The following DIXDC1 variants were observed in gnomAD, a reference collection of about 807,000 sequenced individuals.
The protein encoded by DIXDC1 is dixin.
A neutral mutation model predicts 103.1 loss-of-function variants in DIXDC1; 64 were observed. The ratio of observed to expected loss-of-function variants is 0.62; its 90% CI spans 0.51 to 0.76. The LOEUF (loss-of-function observed/expected upper bound fraction) is 0.76, where lower values mean the gene tolerates loss of function less well. Ranked by LOEUF, DIXDC1 falls within the 30% of genes least tolerant of loss-of-function variation. The pLI, the probability that DIXDC1 is intolerant of heterozygous loss-of-function variation, is 0.00. For missense variants in DIXDC1, 759 were observed against 834.2 expected (o/e 0.91, Z 1.11); for synonymous variants, 266 against 298.5 (o/e 0.89, Z 1.12).
At chr11:111,982,622 C>A in intron 7 of DIXDC1, 135 bp downstream of exon 7, 1 of 912,692 alleles carries the variant, frequency 1.1e-6, no homozygotes, top group Non-Finnish European at 1.6e-6. Context: ...GGGAATAGCA[C>A]AGAAAGAGCA....
rs181553562 is a variant in DIXDC1 at position 111,998,655 on chromosome 11, T to G, written c.1756+2509T>G. ...GCCTCCAGGGTTCAAGTGATTCTCCTGCCTCAGCCTCCTGATTACAGGCGC... is the reference window on the plus strand; with the variant it reads ...GCCTCCAGGGTTCAAGTGATTCTCCGGCCTCAGCCTCCTGATTACAGGCGC... On this transcript the variant is annotated intron_variant, in intron 17 of 19. Transcript: ENST00000440460. This position sits in a 1 kb window ranked among gnomAD's most constrained non-coding sequence, Gnocchi z 4.1. Among the ~76,000 whole-genome samples the G allele has an allele frequency of 1.3e-4, 20 of 152,252 alleles. No individual in the cohort carries two copies. The East Asian group carries it at 2.3e-3, about 18-fold the overall frequency.
intron 17 of DIXDC1, among the ~76,000 whole-genome samples, chr11:112,004,328 C>G (rs1861168666): frequency 6.6e-6 from 1 of 152,106 alleles, no homozygotes; most frequent in African/African-American, 2.4e-5. Context: ...CCAGACCATT[C>G]TCGCTTACGG....
chr11:111,999,873 C>T (rs142797842), intron 17 of DIXDC1, among the ~76,000 whole-genome samples: 2,535 of 148,844 alleles, frequency 0.017, 31 homozygotes, highest in Middle Eastern at 0.038. Context: ...GCCAGGTTCA[C>T]GCCTGTAATC....
In DIXDC1 at chr11:112,022,540, T is replaced by G. The variant is rs1861790124; in HGVS notation, c.*3504T>G. 1 of 152,618 alleles carries G rather than the reference T, an allele frequency of 6.6e-6. No homozygotes were observed. Among genetic ancestry groups the G allele is most frequent in the African/African-American group, 2.4e-5 (1 of 41,442 alleles). The allele number at this position is 152,618 out of a possible 1,614,324, so 9.5% of individuals were successfully genotyped here. ...GTATGTACCAGATTTGTGAACTAAT[T>G]TAAAAAACCACAAACTATGAATAAA... On this transcript the variant is annotated 3_prime_UTR_variant, in exon 20 of 20. Transcript: ENST00000440460. This position sits in a 1 kb window ranked among gnomAD's most constrained non-coding sequence, Gnocchi z 4.9.
chr11:111,999,269 A>T (rs1184259875), intron 17 of DIXDC1, among the ~76,000 whole-genome samples: 1 of 152,242 alleles, frequency 6.6e-6, no homozygotes, highest in Non-Finnish European at 1.5e-5. Flanking sequence ...AACAATAATT[A>T]TTTCAGATTT....
intron 5 of DIXDC1, among the ~76,000 whole-genome samples, chr11:111,978,998 T>C (rs1264537067): frequency 2.0e-5 from 3 of 152,174 alleles, no homozygotes; most frequent in African/African-American, 4.8e-5. Context: ...AATAAGAAAG[T>C]TCTAGAAAGC....
rs782676025 is a variant in DIXDC1, at chr11:111,995,048, A to G, written c.1467A>G (p.Gln489=). The change falls in exon 15 of 20, where the codon CAA becomes CAG. Residue 489 remains glutamine, a synonymous_variant. Coordinates refer to ENST00000440460, the MANE Select transcript of DIXDC1 (RefSeq NM_001037954.4). Reference sequence around the variant, plus strand: ...CCAACTACAACAGTCACAACTCTCAAAGCAATGGTTTTCTCCTTCCAACGG... The same window carrying G: ...CCAACTACAACAGTCACAACTCTCAGAGCAATGGTTTTCTCCTTCCAACGG... ...EATNYNSHNS[Q]SNGFLLPTAG... 4 of 1,613,814 alleles carry G rather than the reference A, an allele frequency of 2.5e-6. No individual in the cohort carries two copies. In the South Asian group the frequency reaches 4.4e-5, roughly 18 times the overall value.
intron 9 of DIXDC1, among the ~76,000 whole-genome samples, chr11:111,988,573 C>A (rs587731888): frequency 6.6e-6 from 1 of 152,314 alleles, no homozygotes; most frequent in East Asian, 1.9e-4. Flanking sequence ...ATCAGAAACA[C>A]TCCAACCCTT....
chr11:111,956,217 T>C (rs587607171), intron 1 of DIXDC1, among the ~76,000 whole-genome samples: 1 of 152,326 alleles, frequency 6.6e-6, no homozygotes, highest in East Asian at 1.9e-4. Context: ...TGCCAAGGGC[T>C]AAGTGGAGGG....
chr11:111,974,390 G>A (rs587662473), intron 4 of DIXDC1, 136 bp downstream of exon 4: 1 of 780,254 alleles, frequency 1.3e-6, no homozygotes, highest in African/African-American at 1.7e-5. Context: ...GGGGAGGTAG[G>A]GGAGGGCACT....
At position 111,956,862 on chromosome 11, in the gene DIXDC1, A is replaced by T. The variant is rs1052186059; in HGVS notation, c.61-7687A>T. Reference sequence around the variant, plus strand: ...AAGTAAATATCCATGATATACTGATATAAATAAATAAATGGGGGAGAGGGC... The same window carrying T: ...AAGTAAATATCCATGATATACTGATTTAAATAAATAAATGGGGGAGAGGGC... On this transcript the variant is annotated intron_variant, in intron 1 of 19. Coordinates refer to ENST00000440460, the MANE Select transcript of DIXDC1 (RefSeq NM_001037954.4). Among the ~76,000 whole-genome samples the T allele has an allele frequency of 3.3e-5, 5 of 152,130 alleles. No homozygotes were observed. In the South Asian group the frequency reaches 1.0e-3, roughly 32 times the overall value.
chr11:112,003,118 T>C (rs1225980805), intron 17 of DIXDC1, among the ~76,000 whole-genome samples: 2 of 152,170 alleles, frequency 1.3e-5, no homozygotes, highest in African/African-American at 4.8e-5. Flanking sequence ...GAGAGGTTGG[T>C]TAATGGATAC....
chr11:111,948,420 CT>C (rs1409349263), intron 1 of DIXDC1, among the ~76,000 whole-genome samples: 1 of 152,210 alleles, frequency 6.6e-6, no homozygotes, highest in Admixed American at 6.5e-5. Context: ...ACTTCAAGCA[CT>C]TTCAACACCA....
In DIXDC1 at chr11:111,982,415, A is replaced by C; in HGVS notation, c.846A>C (p.Glu282Asp). The change falls in exon 7 of 20, where the codon GAA becomes GAC. Residue 282 changes from glutamate to aspartate, a missense_variant. This residue lies in a region of DIXDC1 where 657 missense variants were observed against 727.5 expected (regional missense o/e 0.90). Coordinates refer to ENST00000440460, the MANE Select transcript of DIXDC1 (RefSeq NM_001037954.4). ...PGTYLETSWE[E>D]QLLEQQEYLE... is the part of the protein sequence containing the mutation. ...CCTATCTGGAGACCTCATGGGAAGA[A>C]CAGCTGTTGGAACAACAAGAATATT... is the stretch of plus-strand genomic sequence containing the variant. 1 of 1,614,022 alleles carries C rather than the reference A, an allele frequency of 6.2e-7. No homozygotes were observed. Among genetic ancestry groups the C allele is most frequent in the Non-Finnish European group, 8.5e-7 (1 of 1,179,892 alleles).
At position 111,937,543 on chromosome 11, in the gene DIXDC1, A is replaced by G; in HGVS notation, c.44A>G (p.Gln15Arg). 2 of 1,594,844 alleles carry G rather than the reference A, an allele frequency of 1.3e-6. No individual in the cohort carries two copies. Among genetic ancestry groups the G allele is most frequent in the South Asian group, 1.1e-5 (1 of 87,640 alleles). Reference protein sequence around the residue: ...LTRGNLLDVLQEGFNEQQLQA... With the variant: ...LTRGNLLDVLREGFNEQQLQA... ...CGAGGGAACTTACTGGACGTCCTGCAGGAGGGCTTCAATGAGGTAACTGTC... is the reference window on the plus strand; with the variant it reads ...CGAGGGAACTTACTGGACGTCCTGCGGGAGGGCTTCAATGAGGTAACTGTC... The change falls in exon 1 of 20, where the codon CAG becomes CGG. Residue 15 changes from glutamine (Q) to arginine (R), a missense_variant. Physicochemically the swap from Gln to Arg is conservative, Grantham distance 43 (BLOSUM62 1). This residue lies in a region of DIXDC1 where 97 missense variants were observed against 85.4 expected (regional missense o/e 1.14). Transcript: ENST00000440460.
intron 1 of DIXDC1, among the ~76,000 whole-genome samples, chr11:111,929,094 G>T (rs587627006): frequency 1.3e-5 from 2 of 152,162 alleles, no homozygotes; most frequent in East Asian, 1.9e-4. Context: ...CAGGAGAATC[G>T]CTTGAACCTG....
At chr11:112,010,595 A>G (rs2137630225) in intron 17 of DIXDC1, among the ~76,000 whole-genome samples, 1 of 152,354 alleles carries the variant, frequency 6.6e-6, no homozygotes, top group South Asian at 2.1e-4. Flanking sequence ...TACTGGTACT[A>G]AAACAGATAT....
chr11:112,001,026 C>T (rs1421122829), intron 17 of DIXDC1, among the ~76,000 whole-genome samples: 7 of 152,056 alleles, frequency 4.6e-5, no homozygotes, highest in African/African-American at 7.2e-5. Context: ...TCACAATATT[C>T]GAAAGGTAGA....
chr11:111,983,330 A>G (rs1555173507), intron 7 of DIXDC1, among the ~76,000 whole-genome samples: 1 of 152,244 alleles, frequency 6.6e-6, no homozygotes, highest in African/African-American at 2.4e-5. Context: ...GGGTGGGGAC[A>G]CAAAAGATTC....
Sources: allele counts gnomAD v4.1 joint callset (sites outside exome capture counted in the v4.1 genomes callset), GRCh38; gene constraint gnomAD v4.1.1; regional missense constraint gnomAD v4.1.1; non-coding constraint Gnocchi (gnomAD v3.1); transcripts MANE v1.5; gene names NCBI Gene and HGNC (gene_info 2026-07-23, HGNC 2026-07-21).